SORBS2: variants seen among roughly 807,000 people sequenced by gnomAD.
SORBS2 encodes sorbin and SH3 domain-containing protein 2.
Under a neutral mutation model 97.7 loss-of-function variants are expected in SORBS2, and 46 were observed. The ratio of observed to expected loss-of-function variants is 0.47; its 90% confidence interval spans 0.37 to 0.60. The LOEUF (loss-of-function observed/expected upper bound fraction) is 0.60. Ranked by LOEUF, SORBS2 falls within the 20% of genes least tolerant of loss-of-function variation. SORBS2 has a pLI of 0.00. For synonymous variants in SORBS2, 476 were observed against 473.4 expected (o/e 1.01, Z -0.07); for missense variants, 1,316 against 1,282.3 (o/e 1.03, Z -0.40).
At chr4:185,721,370 C>T (rs760325237) in intron 2 of SORBS2, among the ~76,000 whole-genome samples, 4 of 152,182 alleles carry the variant, frequency 2.6e-5, no homozygotes, top group Admixed American at 6.5e-5. Flanking sequence ...CCAGCATACC[C>T]GGTCCCCACC....
At chr4:185,767,274 G>A (rs1379976669) in intron 2 of SORBS2, among the ~76,000 whole-genome samples, 3 of 151,324 alleles carry the variant, frequency 2.0e-5, no homozygotes, top group Admixed American at 6.6e-5. Context: ...CGAGGCGGGC[G>A]GATCACGAGG....
At chr4:185,657,012 A>C, upstream of SORBS2, 2 of 841,092 alleles carry the variant, frequency 2.4e-6, no homozygotes, top group African/African-American at 3.6e-5. Flanking sequence ...CTATTTCAAA[A>C]AACGAACACA....
intron 1 of SORBS2, among the ~76,000 whole-genome samples, chr4:185,887,771 A>G (rs2099240396): frequency 6.6e-6 from 1 of 152,140 alleles, no homozygotes; most frequent in African/African-American, 2.4e-5. Flanking sequence ...TATTAGAATC[A>G]TTTCATATCT....
At chr4:185,874,495 T>C (rs34712366) in intron 1 of SORBS2, among the ~76,000 whole-genome samples, 33,280 of 152,020 alleles carry the variant, frequency 0.22, 4,170 homozygotes, top group East Asian at 0.54. Flanking sequence ...GCTGAATGAC[T>C]TAATTTTCTT....
chr4:185,654,191 G>A (rs1384303426), intron 1 of SORBS2, among the ~76,000 whole-genome samples: 1 of 152,204 alleles, frequency 6.6e-6, no homozygotes, highest in Non-Finnish European at 1.5e-5. Flanking sequence ...GTTATTGATT[G>A]ACTATTCAGT....
chr4:185,828,642 C>T (rs774252878), intron 1 of SORBS2, among the ~76,000 whole-genome samples: 7 of 152,064 alleles, frequency 4.6e-5, no homozygotes, highest in Non-Finnish European at 8.8e-5. Flanking sequence ...AACCATGGCT[C>T]GCCCACCGAT....
At chr4:185,653,789 G>T (rs1327673844) in intron 1 of SORBS2, among the ~76,000 whole-genome samples, 2 of 152,180 alleles carry the variant, frequency 1.3e-5, no homozygotes, top group Non-Finnish European at 2.9e-5. Context: ...CGTACTCACA[G>T]ATTTTGCTTG....
At chr4:185,820,628 G>A (rs1003434457) in intron 1 of SORBS2, among the ~76,000 whole-genome samples, 3 of 152,196 alleles carry the variant, frequency 2.0e-5, no homozygotes, top group African/African-American at 2.4e-5. Flanking sequence ...CTGCGGGGAA[G>A]GCCTACGGAG....
intron 2 of SORBS2, among the ~76,000 whole-genome samples, chr4:185,732,665 T>C (rs1311421826): frequency 5.3e-5 from 8 of 152,160 alleles, no homozygotes; most frequent in Non-Finnish European, 1.2e-4. Flanking sequence ...CAGTAGACAA[T>C]TTGGAGCTGC....
intron 1 of SORBS2, among the ~76,000 whole-genome samples, chr4:185,793,022 T>A (rs2099088348): frequency 6.6e-6 from 1 of 152,192 alleles, no homozygotes; most frequent in Non-Finnish European, 1.5e-5. Context: ...TTTAAAGAAT[T>A]TGGCACGCTG....
chr4:185,707,370 A>G (rs976268170), intron 2 of SORBS2, among the ~76,000 whole-genome samples: 2 of 152,234 alleles, frequency 1.3e-5, no homozygotes, highest in African/African-American at 2.4e-5. Flanking sequence ...AGTTTATAAC[A>G]CATAACTTAG....
intron 1 of SORBS2, among the ~76,000 whole-genome samples, chr4:185,928,606 C>T (rs1478063760): frequency 1.5e-4 from 23 of 151,908 alleles, no homozygotes; most frequent in East Asian, 3.9e-4. Context: ...AGTGCAGTGG[C>T]GCGATCTTGG....
chr4:185,606,189 G>T lies in SORBS2; in HGVS notation c.2796+5591C>A, dbSNP rs561408359. 1.5e-4 allele frequency: 146 copies of T among 985,410 alleles called. No homozygotes were observed. The African/African-American group carries it at 2.4e-3, about 16-fold the overall frequency. The allele number at this position is 985,410 out of a possible 1,614,324, so 61.0% of individuals were successfully genotyped here. A position where few individuals can be genotyped will look rare whatever the true frequency, so the allele number is the denominator to read the frequency against. On this transcript the variant is annotated intron_variant, in intron 12 of 14. Coordinates refer to ENST00000418609, the Ensembl canonical transcript of SORBS2. The surrounding 1 kb of genome is among the most constrained non-coding windows in gnomAD (Gnocchi z 4.3). ...GGGCATCAACTTCCTCTTCTCTAAAGTGGGGATGATAATGTCACACACCTC... is the reference window on the plus strand; with the variant it reads ...GGGCATCAACTTCCTCTTCTCTAAATTGGGGATGATAATGTCACACACCTC...
intron 1 of SORBS2, among the ~76,000 whole-genome samples, chr4:185,901,012 A>T (rs1225810118): frequency 6.6e-6 from 1 of 152,254 alleles, no homozygotes; most frequent in East Asian, 1.9e-4. Flanking sequence ...TGCATGAAAC[A>T]AGGTAGATAA....
At chr4:185,812,609 T>G (rs183838034) in intron 1 of SORBS2, among the ~76,000 whole-genome samples, 1 of 152,312 alleles carries the variant, frequency 6.6e-6, no homozygotes, top group Non-Finnish European at 1.5e-5. Flanking sequence ...ATAGAATGAG[T>G]GCAGAGAGCT....
intron 12 of SORBS2, among the ~76,000 whole-genome samples, chr4:185,596,682 G>A (rs1476289712): frequency 7.9e-5 from 12 of 151,654 alleles, no homozygotes; most frequent in Admixed American, 2.6e-4. Context: ...CTACAGGCAC[G>A]CACCACCGTG....
intron 1 of SORBS2, among the ~76,000 whole-genome samples, chr4:185,955,621 G>A (rs2099279169): frequency 6.6e-6 from 1 of 152,186 alleles, no homozygotes; most frequent in Non-Finnish European, 1.5e-5. Context: ...CTAACACGCT[G>A]ATGACTTTCG....
At chr4:185,782,893 A>G (rs770333140) in intron 1 of SORBS2, among the ~76,000 whole-genome samples, 57 of 152,344 alleles carry the variant, frequency 3.7e-4, no homozygotes, top group Non-Finnish European at 7.3e-4. Context: ...TTCTTCTACC[A>G]CTTGGGCACA....
chr4:185,883,521 G>C (rs2099237882), intron 1 of SORBS2, among the ~76,000 whole-genome samples: 1 of 152,134 alleles, frequency 6.6e-6, no homozygotes, highest in African/African-American at 2.4e-5. Flanking sequence ...TTATCCAAGA[G>C]AAATGAAAAC....
Sources: allele counts gnomAD v4.1 joint callset (sites outside exome capture counted in the v4.1 genomes callset), GRCh38; gene constraint gnomAD v4.1.1; non-coding constraint Gnocchi (gnomAD v3.1); transcripts MANE v1.5; gene names NCBI Gene and HGNC (gene_info 2026-07-23, HGNC 2026-07-21).